The following CHRFAM7A variants were observed in gnomAD, a reference collection of about 807,000 sequenced individuals.
CHRFAM7A encodes the protein CHRNA7-FAM7A fusion protein.
A neutral mutation model predicts 29.2 loss-of-function variants in CHRFAM7A; 3 were observed. That is an observed-to-expected ratio of 0.10 (90% CI 0.05 to 0.27). The LOEUF (loss-of-function observed/expected upper bound fraction) is 0.27. Among genes scored for constraint, CHRFAM7A ranks in the 10% least tolerant of loss-of-function variants. The probability of loss-of-function intolerance (pLI) is 1.00; values close to 1 mark genes in which losing one functional copy is unlikely to be tolerated. For synonymous variants in CHRFAM7A, 7 were observed against 135.4 expected (o/e 0.05, Z 6.58); for missense variants, 22 against 328.0 (o/e 0.07, Z 7.21).
rs1478090222 is a variant in CHRFAM7A, at chr15:30,371,689, T to C, written c.523+458A>G. 6.8e-5 allele frequency among the ~76,000 whole-genome samples: 10 copies of C among 147,206 alleles called. 1 individual carries two copies. The highest frequency in any genetic ancestry group is 2.5e-4 in the African/African-American group (10 of 39,242). On this transcript the variant is annotated intron_variant, in intron 7 of 9. Transcript: ENST00000299847. ...TGATGTTTAGCAACTCTTTAAGACATTGGGAAACTCATTCCACCATTCAAA... is the reference window on the plus strand; with the variant it reads ...TGATGTTTAGCAACTCTTTAAGACACTGGGAAACTCATTCCACCATTCAAA...
intron 9 of CHRFAM7A, among the ~76,000 whole-genome samples, chr15:30,365,686 A>AG (rs1374760200): frequency 2.1e-5 from 2 of 95,806 alleles, no homozygotes; most frequent in East Asian, 3.1e-4. Flanking sequence ...CAGTGTTTTA[A>AG]GGGGGGGCCT....
At chr15:30,371,338 C>T (rs1195550475) in intron 7 of CHRFAM7A, among the ~76,000 whole-genome samples, 154 bp from the exon 8 acceptor site, 3 of 149,592 alleles carry the variant, frequency 2.0e-5, no homozygotes, top group Non-Finnish European at 4.4e-5. Flanking sequence ...TGGGCGTGTG[C>T]ATTTTCCAGG....
intron 4 of CHRFAM7A, among the ~76,000 whole-genome samples, chr15:30,377,776 CTA>C (rs2058948792): frequency 6.9e-6 from 1 of 145,266 alleles, no homozygotes; most frequent in Non-Finnish European, 1.5e-5. Flanking sequence ...GGGGGTTTCA[CTA>C]TGTTAGCCGG....
intron 8 of CHRFAM7A, among the ~76,000 whole-genome samples, 169 bp downstream of exon 8, chr15:30,370,929 C>T (rs551696707): frequency 2.0e-5 from 3 of 151,862 alleles, no homozygotes; most frequent in Admixed American, 2.0e-4. Context: ...TATCCCCTTC[C>T]CCTTACTTGG....
intron 5 of CHRFAM7A, among the ~76,000 whole-genome samples, chr15:30,375,767 A>G (rs1238948131): frequency 7.4e-6 from 1 of 135,818 alleles, no homozygotes; most frequent in Non-Finnish European, 1.5e-5. Context: ...TATTTGTGTG[A>G]GTGGTGTGTG....
chr15:30,366,921 TC>T lies in CHRFAM7A; in HGVS notation c.720+496del, dbSNP rs1161988856. ...GATTAGACAGCAGTGCCACGGGGCA[TC>T]CGGGAACACGTGCACCATGACTGCA... On this transcript the variant is annotated intron_variant, in intron 9 of 9. Coordinates refer to ENST00000299847, the MANE Select transcript of CHRFAM7A (RefSeq NM_139320.2). Among the ~76,000 whole-genome samples, 60 of 148,716 alleles carry T rather than the reference TC, an allele frequency of 4.0e-4. No homozygotes were observed. In the Admixed American group the frequency reaches 4.1e-3, roughly 10 times the overall value.
Position 30,361,978 on chromosome 15 carries a change from TGAGG to T in CHRFAM7A, c.*311_*314del. On this transcript the variant is annotated 3_prime_UTR_variant, in exon 10 of 10. Coordinates refer to ENST00000299847, the MANE Select transcript of CHRFAM7A (RefSeq NM_139320.2). ...CATGCAAAACCAACTGTCTCGGTGG[TGAGG>T]AGCCATGGGGAGCTCTCCGAAGGGC... 0.02 allele frequency: 107 copies of T among 5,460 alleles called. No individual in the cohort carries two copies. The highest frequency in any genetic ancestry group is 0.032 in the Non-Finnish European group (82 of 2,562). 0.3% of individuals were successfully genotyped at this position (5,460 alleles called of 1,614,324 possible).
intron 5 of CHRFAM7A, among the ~76,000 whole-genome samples, chr15:30,376,178 TG>T (rs1317866027): frequency 1.6e-5 from 2 of 122,128 alleles, no homozygotes; most frequent in Admixed American, 8.9e-5. Flanking sequence ...GAGTGGTGTG[TG>T]GTATGTGTGA....
upstream of CHRFAM7A, chr15:30,393,716 A>C (rs1595518280): frequency 7.9e-4 from 6 of 7,636 alleles, no homozygotes; most frequent in African/African-American, 1.9e-3. Flanking sequence ...CTCACCCCTC[A>C]CCCCTCAACC....
chr15:30,370,875 AG>A (rs1445068193), intron 8 of CHRFAM7A, among the ~76,000 whole-genome samples: 1 of 151,436 alleles, frequency 6.6e-6, no homozygotes, highest in Admixed American at 6.6e-5. Context: ...TATGAGGGGA[AG>A]GGGGGCATTT....
At position 30,364,462 on chromosome 15, in the gene CHRFAM7A, CATGAG is replaced by C. The variant is rs1270307502; in HGVS notation, c.721-1656_721-1652del. Among the ~76,000 whole-genome samples, 2 of 10,744 alleles carry C rather than the reference CATGAG, an allele frequency of 1.9e-4. 1 individual carries two copies. The highest frequency in any genetic ancestry group is 2.0e-4 in the African/African-American group (2 of 10,122). 7.0% of individuals were successfully genotyped at this position (10,744 alleles called of 152,430 possible). ...TGAGTTGGGCCGTCCATACAAGGCT[CATGAG>C]ATAAGTCATCTCACTTGGGCCTTTC... On this transcript the variant is annotated intron_variant, in intron 9 of 9. Transcript: ENST00000299847.
chr15:30,367,033 C>A (rs2058792663), intron 9 of CHRFAM7A, among the ~76,000 whole-genome samples: 2 of 149,550 alleles, frequency 1.3e-5, no homozygotes, highest in Middle Eastern at 6.8e-3. Context: ...CCTGTAATCC[C>A]AGCACTTTGG....
intron 7 of CHRFAM7A, among the ~76,000 whole-genome samples, chr15:30,371,784 C>T (rs1386442127): frequency 7.0e-6 from 1 of 143,610 alleles, no homozygotes; most frequent in African/African-American, 2.6e-5. Context: ...CATACAAATG[C>T]AAGCTGATAC....
chr15:30,363,263 A>G (rs1194590124), intron 9 of CHRFAM7A, among the ~76,000 whole-genome samples: 1 of 147,264 alleles, frequency 6.8e-6, no homozygotes, highest in Non-Finnish European at 1.5e-5. Context: ...ACATTTTCAA[A>G]TGCAATCCCA....
chr15:30,367,997 TG>T (rs1197943273), intron 8 of CHRFAM7A, among the ~76,000 whole-genome samples: 1 of 83,186 alleles, frequency 1.2e-5, no homozygotes, highest in Non-Finnish European at 2.4e-5. Context: ...GTCTCAGCTT[TG>T]GTTCTAATGG....
intron 5 of CHRFAM7A, among the ~76,000 whole-genome samples, chr15:30,373,817 G>C (rs541512247): frequency 1.1e-5 from 1 of 92,962 alleles, no homozygotes; most frequent in Admixed American, 1.2e-4. Context: ...AAATTAGCTG[G>C]GTGAGGTGAT....
In CHRFAM7A at chr15:30,367,413, C is replaced by T. The variant is rs376952659; in HGVS notation, c.720+5G>A. 6.0e-5 allele frequency: 96 copies of T among 1,605,478 alleles called. 2 individuals are homozygous for T. The highest frequency in any genetic ancestry group is 3.6e-4 in the African/African-American group (27 of 74,416). Reference sequence around the variant, plus strand: ...CCGACTCCATCGGGGGTGGGAGGAACGTACCCACTTGGGCATCTTGCCCCC... The same window carrying T: ...CCGACTCCATCGGGGGTGGGAGGAATGTACCCACTTGGGCATCTTGCCCCC... On this transcript the variant is annotated splice_donor_5th_base_variant and intron_variant, in intron 9 of 9. Transcript: ENST00000299847.
At chr15:30,377,738 T>A (rs2058948041) in intron 4 of CHRFAM7A, among the ~76,000 whole-genome samples, 1 of 144,368 alleles carries the variant, frequency 6.9e-6, no homozygotes, top group Non-Finnish European at 1.5e-5. Context: ...CCACACCTGG[T>A]TAATTTTTTT....
At chr15:30,371,505 C>T (rs1244742938) in intron 7 of CHRFAM7A, among the ~76,000 whole-genome samples, 2 of 149,256 alleles carry the variant, frequency 1.3e-5, no homozygotes, top group Non-Finnish European at 3.0e-5. Context: ...AGTAGTTTCA[C>T]GTAGCAGGAA....
Sources: allele counts gnomAD v4.1 joint callset (sites outside exome capture counted in the v4.1 genomes callset), GRCh38; gene constraint gnomAD v4.1.1; transcripts MANE v1.5; gene names NCBI Gene and HGNC (gene_info 2026-07-23, HGNC 2026-07-21).